The following PGAM2 variants were observed in gnomAD, a reference collection of about 807,000 sequenced individuals.
The protein encoded by PGAM2 is BPG-dependent PGAM 2.
A neutral mutation model predicts 22.5 loss-of-function variants in PGAM2; 23 were observed. The ratio of observed to expected loss-of-function variants is 1.02; its 90% CI spans 0.74 to 1.45. The LOEUF is 1.45. Among genes scored for constraint, PGAM2 ranks in the 40% most tolerant of loss-of-function variants. PGAM2 has a pLI of 0.00. For synonymous variants in PGAM2, 133 were observed against 138.6 expected, an observed-to-expected ratio of 0.96 and a Z score of 0.29; for missense variants, 349 against 356.2, an observed-to-expected ratio of 0.98 and a Z score of 0.16.
At chr7:44,063,472 G>A (rs1245411840) in intron 2 of PGAM2, 1 of 187,182 alleles carries the variant, frequency 5.3e-6, no homozygotes, top group East Asian at 1.3e-4. Context: ...GTAGAAACGG[G>A]TTTTACCATG....
chr7:44,064,855 C>T lies in PGAM2; in HGVS notation c.572G>A (p.Arg191Gln), dbSNP rs1300195215. 1.7e-5 allele frequency: 27 copies of T among 1,609,660 alleles called. No homozygotes were observed. Among genetic ancestry groups the T allele is most frequent in the African/African-American group, 4.0e-5 (3 of 74,872 alleles). ...ACCTTCCAGGTGCTTGACAATGCCCCGCAGGCTGTTCCCGTGGGCTGCAAT... is the reference window on the plus strand; with the variant it reads ...ACCTTCCAGGTGCTTGACAATGCCCTGCAGGCTGTTCCCGTGGGCTGCAAT... The part of the protein sequence containing the change: ...VLIAAHGNSL[R>Q]GIVKHLEGMS... The change falls in exon 2 of 3, where the codon CGG becomes CAG. Residue 191 changes from arginine to glutamine, a missense_variant. Arg to Gln is a conservative substitution (Grantham distance 43). Transcript: ENST00000297283.
At position 44,065,347 on chromosome 7, in the gene PGAM2, C is replaced by T. The variant is rs202091578; in HGVS notation, c.183G>A (p.Lys61=). Residue 61 remains lysine, a synonymous_variant, in exon 1 of 3, where the codon AAG becomes AAA. Coordinates refer to ENST00000297283, the MANE Select transcript of PGAM2 (RefSeq NM_000290.4). ...EFDICYTSVL[K]RAIRTLWAIL... ...TGGCCCAGAGGGTGCGGATGGCCCGCTTCAGCACTGACGTGTAGCAGATGT... is the reference window on the plus strand; with the variant it reads ...TGGCCCAGAGGGTGCGGATGGCCCGTTTCAGCACTGACGTGTAGCAGATGT... 2.0e-5 allele frequency: 33 copies of T among 1,613,868 alleles called. No homozygotes were observed. Among genetic ancestry groups the T allele is most frequent in the Non-Finnish European group, 2.7e-5 (32 of 1,180,036 alleles).
chr7:44,063,097 GAGTT>G, intron 2 of PGAM2, 167 bp from the exon 3 acceptor site: 1 of 722,430 alleles, frequency 1.4e-6, no homozygotes, highest in Non-Finnish European at 2.4e-6. Flanking sequence ...AGGAGTAACT[GAGTT>G]AGACCAAGCA....
chr7:44,063,472 G>T lies in PGAM2; in HGVS notation c.596-542C>A, dbSNP rs1245411840. 4 of 187,182 alleles carry T rather than the reference G, an allele frequency of 2.1e-5. No homozygotes were observed. The East Asian group carries it at 5.4e-4, about 25-fold the overall frequency. 11.6% of individuals were successfully genotyped at this position (187,182 alleles called of 1,614,324 possible). A position where few individuals can be genotyped will look rare whatever the true frequency, so the allele number is the denominator to read the frequency against. On this transcript the variant is annotated intron_variant, in intron 2 of 2. Coordinates refer to ENST00000297283, the MANE Select transcript of PGAM2 (RefSeq NM_000290.4). The stretch of plus-strand genomic sequence containing the variant: ...AATTTTGTATTTTTAGTAGAAACGG[G>T]TTTTACCATGTTGGTCAGGCTGGTC...
At position 44,065,278 on chromosome 7, in the gene PGAM2, A is replaced by C. The variant is rs755125202; in HGVS notation, c.252T>G (p.Thr84=). 6.2e-7 allele frequency: 1 copy of C among 1,613,596 alleles called. No individual in the cohort carries two copies. The highest frequency in any genetic ancestry group is 1.3e-5 in the African/African-American group (1 of 74,930). The part of the protein sequence containing the change: ...TDQMWLPVVR[T]WRLNERHYGG... ...CGTAATGCCGCTCATTGAGGCGCCA[A>C]GTGCGCACCACAGGCAGCCACATCT... The change falls in exon 1 of 3, where the codon ACT becomes ACG. Residue 84 remains threonine, a synonymous_variant. Coordinates refer to ENST00000297283, the MANE Select transcript of PGAM2 (RefSeq NM_000290.4).
chr7:44,065,001 G>T lies in PGAM2; in HGVS notation c.426C>A (p.Tyr142Ter), dbSNP rs376134077. ...YYNSISKERR[Y>*]AGLKPGELPT... Reference sequence around the variant, plus strand: ...GGAGTTCCCCGGGCTTCAGGCCTGCGTACCGACGCTCCTGGGGGACACAGG... The same window carrying T: ...GGAGTTCCCCGGGCTTCAGGCCTGCTTACCGACGCTCCTGGGGGACACAGG... Residue 142 changes from tyrosine to a stop codon, truncating the protein, a stop_gained, in exon 2 of 3, where the codon TAC becomes TAA. Transcript: ENST00000297283. LOFTEE classifies it high-confidence loss of function. 1.9e-6 allele frequency: 3 copies of T among 1,606,198 alleles called. No individual in the cohort carries two copies. Among genetic ancestry groups the T allele is most frequent in the South Asian group, 1.1e-5 (1 of 90,886 alleles).
chr7:44,064,797 A>ACCCCCCCAGCCCCCGCGCCAGAAGGGGGG, intron 2 of PGAM2, 35 bp downstream of exon 2: 1 of 633,308 alleles, frequency 1.6e-6, no homozygotes, highest in South Asian at 1.5e-5. Context: ...GCTGCTGCCC[A>ACCCCCCCAGCCCCCGCGCCAGAAGGGGGG]CCCACCCTGC....
At chr7:44,064,705 T>C (rs965500809) in intron 2 of PGAM2, 127 bp downstream of exon 2, 1 of 853,846 alleles carries the variant, frequency 1.2e-6, no homozygotes, top group East Asian at 2.7e-5. Context: ...GCCCTCCTTT[T>C]TCAGTGAATG....
At chr7:44,063,252 A>C (rs1586000107) in intron 2 of PGAM2, 6 of 396,490 alleles carry the variant, frequency 1.5e-5, no homozygotes, top group East Asian at 5.3e-5. Flanking sequence ...AGGAAGGGAC[A>C]CTCACCCTTT....
In PGAM2 at chr7:44,065,220, C is replaced by T. The variant is rs150570281; in HGVS notation, c.310G>A (p.Ala104Thr). ...GLTGLNKAETAAKHGEEQVKI... is the reference protein window; with the variant it reads ...GLTGLNKAETTAKHGEEQVKI... ...ACCTGCTCCTCCCCGTGCTTGGCGG[C>T]CGTTTCTGCCTTGTTGAGGCCTGTG... Residue 104 changes from alanine (A) to threonine (T), a missense_variant, in exon 1 of 3, where the codon GCC becomes ACC. Ala to Thr is a moderately conservative substitution (Grantham distance 58). Coordinates refer to ENST00000297283, the MANE Select transcript of PGAM2 (RefSeq NM_000290.4). 2.2e-4 allele frequency: 354 copies of T among 1,614,050 alleles called. 3 individuals carry two copies. In the African/African-American group the frequency reaches 4.1e-3, roughly 19 times the overall value.
intron 2 of PGAM2, 39 bp downstream of exon 2, chr7:44,064,793 G>GGGCCCCCCCCCCCCCCC: frequency 1.4e-5 from 16 of 1,136,952 alleles, no homozygotes; most frequent in Middle Eastern, 2.8e-4. Context: ...TGGGGCTGCT[G>GGGCCCCCCCCCCCCCCC]CCCACCCACC....
rs1025831856 is a variant in PGAM2 at position 44,065,030 on chromosome 7, G to A, written c.415-18C>T. On this transcript the variant is annotated intron_variant, in intron 1 of 2. Coordinates refer to ENST00000297283, the MANE Select transcript of PGAM2 (RefSeq NM_000290.4). ...CGACGCTCCTGGGGGACACAGGCAC[G>A]CTGCTTTCCCTCCCAAGCCAGTGGG... The A allele has an allele frequency of 4.4e-6, 7 of 1,606,690 alleles. No individual in the cohort carries two copies. The highest frequency in any genetic ancestry group is 4.5e-5 in the East Asian group (2 of 44,832).
chr7:44,065,094 C>T, intron 1 of PGAM2, 22 bp downstream of exon 1: 1 of 1,613,294 alleles, frequency 6.2e-7, no homozygotes, highest in Non-Finnish European at 8.5e-7. Context: ...TCCCAGAGGC[C>T]TTCCCAGCAA....
rs757132071 is a variant in PGAM2, at chr7:44,065,458, G to T, written c.72C>A (p.Gly24=). Residue 24 remains glycine (G), a synonymous_variant, in exon 1 of 3, where the codon GGC becomes GGA. Transcript: ENST00000297283. ...STWNQENRFC[G]WFDAELSEKG... is the part of the protein sequence containing the mutation. ...TTTCACTCAGCTCTGCATCGAACCA[G>T]CCACAGAAACGGTTCTCCTGGTTCC... is the stretch of plus-strand genomic sequence containing the variant. 6.2e-7 allele frequency: 1 copy of T among 1,614,128 alleles called. No homozygotes were observed. Among genetic ancestry groups the T allele is most frequent in the Non-Finnish European group, 8.5e-7 (1 of 1,180,032 alleles).
intron 2 of PGAM2, chr7:44,063,663 A>C (rs2096153475): frequency 6.5e-6 from 1 of 154,424 alleles, no homozygotes; most frequent in African/African-American, 2.4e-5. Context: ...AGGGACAGGG[A>C]GGCCGAGCCT....
chr7:44,065,540 G>A lies in PGAM2; in HGVS notation c.-11C>T. ...GCGGTGAGTGGCCATGGTGGCAGCA[G>A]GGACCACAGAGGACTCTGGACGGGG... On this transcript the variant is annotated 5_prime_UTR_variant, in exon 1 of 3. Transcript: ENST00000297283. 1 of 1,613,514 alleles carries A rather than the reference G, an allele frequency of 6.2e-7. No individual in the cohort carries two copies. Among genetic ancestry groups the A allele is most frequent in the Non-Finnish European group, 8.5e-7 (1 of 1,179,840 alleles).
chr7:44,065,399 G>A lies in PGAM2; in HGVS notation c.131C>T (p.Ala44Val). 1 of 1,614,076 alleles carries A rather than the reference G, an allele frequency of 6.2e-7. No individual in the cohort carries two copies. Among genetic ancestry groups the A allele is most frequent in the Non-Finnish European group, 8.5e-7 (1 of 1,180,034 alleles). Residue 44 changes from alanine to valine, a missense_variant, in exon 1 of 3, where the codon GCC becomes GTC. Transcript: ENST00000297283. ...GTEEAKRGAK[A>V]IKDAKMEFDI... ...AAACTCCATCTTGGCATCCTTGATGGCCTTGGCTCCCCGCTTGGCCTCCTC... is the reference window on the plus strand; with the variant it reads ...AAACTCCATCTTGGCATCCTTGATGACCTTGGCTCCCCGCTTGGCCTCCTC...
At chr7:44,063,276 CTTTTCTTTTTCT>C (rs370887667) in intron 2 of PGAM2, 7 of 335,034 alleles carry the variant, frequency 2.1e-5, no homozygotes, top group Non-Finnish European at 3.4e-5. Context: ...TTTTTTTTTT[CTTTTCTTTTTCT>C]TTTTCTTTTT....
intron 2 of PGAM2, chr7:44,063,348 G>A (rs199508598): frequency 2.9e-5 from 8 of 271,832 alleles, no homozygotes; most frequent in Non-Finnish European, 5.0e-5. Flanking sequence ...GCAGTGGCAC[G>A]ATCTTGGCTC....
Sources: allele counts gnomAD v4.1 joint callset, GRCh38; gene constraint gnomAD v4.1.1; transcripts MANE v1.5; gene names NCBI Gene and HGNC (gene_info 2026-07-23, HGNC 2026-07-21).